RAD51B: variants seen among roughly 807,000 people sequenced by gnomAD.
RAD51B encodes the protein DNA repair protein RAD51 homolog 2.
A neutral mutation model predicts 42.2 loss-of-function variants in RAD51B; 38 were observed. That is an observed-to-expected ratio of 0.90 (90% CI 0.70 to 1.18). The LOEUF is 1.18. RAD51B is among the 50% of genes most tolerant of loss of function. RAD51B has a pLI of 0.00. For synonymous variants in RAD51B, 154 were observed against 145.2 expected (o/e 1.06, Z -0.43); for missense variants, 373 against 400.7 (o/e 0.93, Z 0.59).
intron 9 of RAD51B, among the ~76,000 whole-genome samples, chr14:68,413,198 T>C (rs561064158): frequency 2.8e-4 from 43 of 152,230 alleles, no homozygotes; most frequent in Admixed American, 1.2e-3. Flanking sequence ...AACCAGTCAG[T>C]GTCAACAGGA....
chr14:68,065,705 T>C (rs916729667), intron 7 of RAD51B, among the ~76,000 whole-genome samples: 2 of 152,120 alleles, frequency 1.3e-5, no homozygotes, highest in South Asian at 4.1e-4. Flanking sequence ...GTGGCTGGGA[T>C]TGAGGTGCTG....
chr14:67,856,382 T>G (rs2139962057), intron 4 of RAD51B, among the ~76,000 whole-genome samples: 1 of 152,106 alleles, frequency 6.6e-6, no homozygotes, highest in East Asian at 1.9e-4. Context: ...TTTTTTATGG[T>G]TTTGGCTTTA....
intron 4 of RAD51B, among the ~76,000 whole-genome samples, chr14:67,863,696 T>C (rs573316789): frequency 1.2e-4 from 18 of 152,128 alleles, no homozygotes; most frequent in Non-Finnish European, 2.4e-4. Context: ...AAAGAAATAG[T>C]GCATTGGTTC....
At chr14:67,888,850 C>T (rs182496151) in intron 7 of RAD51B, among the ~76,000 whole-genome samples, 240 of 152,222 alleles carry the variant, frequency 1.6e-3, no homozygotes, top group African/African-American at 5.6e-3. Flanking sequence ...CAGAGGAGTC[C>T]TGGAACCAAT....
intron 4 of RAD51B, among the ~76,000 whole-genome samples, chr14:67,856,358 C>T (rs72725116): frequency 0.15 from 22,311 of 146,528 alleles, 1,879 homozygotes; most frequent in Non-Finnish European, 0.2. Context: ...TTCTGAGATT[C>T]TTTTTTTTTT....
chr14:68,390,968 CTT>C (rs1263014378), intron 8 of RAD51B, among the ~76,000 whole-genome samples: 1 of 152,210 alleles, frequency 6.6e-6, no homozygotes, highest in Non-Finnish European at 1.5e-5. Context: ...TTGATTCATT[CTT>C]TCCCAACTTG....
At position 68,381,139 on chromosome 14, in the gene RAD51B, A is replaced by G. The variant is rs1226044266; in HGVS notation, c.854-30285A>G. Among the ~76,000 whole-genome samples the G allele has an allele frequency of 2.0e-5, 3 of 152,222 alleles. No homozygotes were observed. The East Asian group carries it at 5.8e-4, about 29-fold the overall frequency. ...ATTTAGCTGCTGGAAATGATCTCTTATTTTGGATTAGGAAACCAAGTCCTA... is the reference window on the plus strand; with the variant it reads ...ATTTAGCTGCTGGAAATGATCTCTTGTTTTGGATTAGGAAACCAAGTCCTA... On this transcript the variant is annotated intron_variant, in intron 8 of 10. Coordinates refer to ENST00000471583, the MANE Select transcript of RAD51B (RefSeq NM_133510.4).
At chr14:68,235,196 C>A (rs1346430894) in intron 7 of RAD51B, among the ~76,000 whole-genome samples, 1 of 151,908 alleles carries the variant, frequency 6.6e-6, no homozygotes, top group Non-Finnish European at 1.5e-5. Context: ...GGTTTGTTTA[C>A]ACCAGCATCA....
At chr14:67,887,742 T>C (rs992743684) in intron 7 of RAD51B, among the ~76,000 whole-genome samples, 2 of 152,192 alleles carry the variant, frequency 1.3e-5, no homozygotes, top group Admixed American at 1.3e-4. Context: ...GTAATGAAAG[T>C]GTCAGTAAGA....
chr14:67,984,251 A>T (rs1157441089), intron 7 of RAD51B, among the ~76,000 whole-genome samples: 1 of 152,102 alleles, frequency 6.6e-6, no homozygotes, highest in Admixed American at 6.5e-5. Context: ...CTGGGTTTTT[A>T]TTAAAGATTT....
chr14:68,591,637 G>A (rs1890745755), intron 10 of RAD51B, among the ~76,000 whole-genome samples: 1 of 152,170 alleles, frequency 6.6e-6, no homozygotes, highest in African/African-American at 2.4e-5. Context: ...GTGGCCGGTG[G>A]CGTGGGGGAG....
intron 10 of RAD51B, among the ~76,000 whole-genome samples, chr14:68,576,096 T>C (rs553402742): frequency 1.3e-5 from 2 of 152,086 alleles, no homozygotes; most frequent in African/African-American, 4.8e-5. Context: ...GTGAGAGCAG[T>C]GGTCCCAAGG....
intron 10 of RAD51B, among the ~76,000 whole-genome samples, chr14:68,579,722 G>A (rs936658249): frequency 4.6e-5 from 7 of 152,190 alleles, no homozygotes; most frequent in South Asian, 4.1e-4. Context: ...AGCCTGGTGC[G>A]TGGGGCATAC....
chr14:68,629,819 T>C (rs1892183420), intron 10 of RAD51B, among the ~76,000 whole-genome samples: 1 of 152,270 alleles, frequency 6.6e-6, no homozygotes, highest in South Asian at 2.1e-4. Context: ...TTTCACATAT[T>C]GTTACATTTC....
intron 7 of RAD51B, among the ~76,000 whole-genome samples, chr14:68,202,827 C>T (rs1461378514): frequency 6.6e-6 from 1 of 151,998 alleles, no homozygotes; most frequent in Non-Finnish European, 1.5e-5. Flanking sequence ...GGTGATCTGC[C>T]CACCTCAGCC....
At chr14:67,976,002 T>C (rs2074985767) in intron 7 of RAD51B, among the ~76,000 whole-genome samples, 1 of 152,212 alleles carries the variant, frequency 6.6e-6, no homozygotes, top group Admixed American at 6.5e-5. Flanking sequence ...TGTTGTTGAT[T>C]CTTGTTCTCC....
At chr14:68,563,937 C>G in intron 10 of RAD51B, 1 of 981,854 alleles carries the variant, frequency 1.0e-6, no homozygotes, top group Non-Finnish European at 1.2e-6. Flanking sequence ...AATATTGGCC[C>G]TGATAGAGAA....
chr14:67,993,117 T>A (rs1452974961), intron 7 of RAD51B, among the ~76,000 whole-genome samples: 3 of 152,296 alleles, frequency 2.0e-5, no homozygotes, highest in South Asian at 4.1e-4. Context: ...GTTCTGTATA[T>A]TTATAGAGTA....
chr14:67,878,237 T>C (rs2042791456), intron 5 of RAD51B, among the ~76,000 whole-genome samples: 1 of 152,210 alleles, frequency 6.6e-6, no homozygotes, highest in South Asian at 2.1e-4. Context: ...CATCACTGTT[T>C]TTAGTTTCTT....
Sources: gnomAD v4.1 joint callset for allele counts (sites outside exome capture counted in the v4.1 genomes callset) on GRCh38, gnomAD v4.1.1 for gene constraint, MANE v1.5 for transcripts, NCBI Gene and HGNC (gene_info 2026-07-23, HGNC 2026-07-21) for gene names.